NFYC: variants seen among roughly 807,000 people sequenced by gnomAD.
The protein encoded by NFYC is nuclear transcription factor Y subunit gamma.
Under a neutral mutation model 53.1 loss-of-function variants are expected in NFYC, and 25 were observed. That is an observed-to-expected ratio of 0.47 (90% CI 0.34 to 0.66). NFYC has a LOEUF of 0.66. Ranked by LOEUF, NFYC falls within the 30% of genes least tolerant of loss-of-function variation. NFYC has a pLI of 0.01. For missense variants in NFYC, 260 were observed against 422.7 expected (o/e 0.62, Z 3.38); for synonymous variants, 145 against 152.6 (o/e 0.95, Z 0.37).
intron 1 of NFYC, among the ~76,000 whole-genome samples, chr1:40,696,255 C>G (rs1643137902): frequency 6.6e-6 from 1 of 152,010 alleles, no homozygotes; most frequent in South Asian, 2.1e-4. Flanking sequence ...AAACTCCTGA[C>G]CTCGTGATCC....
At chr1:40,712,928 C>G (rs185620822) in intron 1 of NFYC, 3 of 152,106 alleles carry the variant, frequency 2.0e-5, no homozygotes, top group Admixed American at 1.3e-4. Context: ...TCTCAAACTC[C>G]TGGACTCAAG....
At chr1:40,752,060 T>TA (rs1435296721) in intron 4 of NFYC, among the ~76,000 whole-genome samples, 2 of 152,218 alleles carry the variant, frequency 1.3e-5, no homozygotes, top group African/African-American at 4.8e-5. Context: ...TAAGGTGTGG[T>TA]ATATAGAGTT....
intron 6 of NFYC, among the ~76,000 whole-genome samples, chr1:40,761,578 C>T (rs1019095102): frequency 6.6e-6 from 1 of 152,160 alleles, no homozygotes; most frequent in Non-Finnish European, 1.5e-5. Context: ...TTCTGTTAGC[C>T]TAGCCCACTG....
chr1:40,741,205 G>A (rs1399713565), intron 2 of NFYC, among the ~76,000 whole-genome samples: 1 of 151,984 alleles, frequency 6.6e-6, no homozygotes, highest in African/African-American at 2.4e-5. Flanking sequence ...CTTTACAGTG[G>A]TTAGAAAACG....
At chr1:40,716,278 C>T (rs930461856) in intron 1 of NFYC, among the ~76,000 whole-genome samples, 7 of 152,140 alleles carry the variant, frequency 4.6e-5, no homozygotes. Context: ...GAGACGTTCG[C>T]TTAGGAATGA....
At chr1:40,722,725 T>TA in intron 1 of NFYC, among the ~76,000 whole-genome samples, 1 of 152,322 alleles carries the variant, frequency 6.6e-6, no homozygotes, top group South Asian at 2.1e-4. Context: ...TCTAAGAAGT[T>TA]AAGAGATTTG....
At chr1:40,701,050 A>T (rs148407466) in intron 1 of NFYC, among the ~76,000 whole-genome samples, 1 of 152,320 alleles carries the variant, frequency 6.6e-6, no homozygotes, top group African/African-American at 2.4e-5. Flanking sequence ...GTTCCTTATC[A>T]TTGTCCTTAG....
At chr1:40,698,150 G>A (rs968495959) in intron 1 of NFYC, among the ~76,000 whole-genome samples, 1 of 152,154 alleles carries the variant, frequency 6.6e-6, no homozygotes, top group African/African-American at 2.4e-5. Context: ...ATCACCTGAA[G>A]TCAAGAGTTT....
chr1:40,763,893 C>G (rs911843455), intron 7 of NFYC, among the ~76,000 whole-genome samples: 1 of 152,216 alleles, frequency 6.6e-6, no homozygotes, highest in Non-Finnish European at 1.5e-5. Flanking sequence ...ATTTGATTAG[C>G]AGAGGATAAG....
At chr1:40,737,901 CTT>C (rs530348029) in intron 1 of NFYC, among the ~76,000 whole-genome samples, 67,039 of 121,822 alleles carry the variant, frequency 0.55, 17,822 homozygotes, top group Non-Finnish European at 0.59. Flanking sequence ...TGCTCTCTCT[CTT>C]TTTTTTTTTT....
At chr1:40,763,334 C>G (rs1225159725) in intron 7 of NFYC, 1 of 464,724 alleles carries the variant, frequency 2.2e-6, no homozygotes, top group Admixed American at 2.3e-5. Context: ...ATATATCACA[C>G]GCATGCATAA....
Position 40,770,525 on chromosome 1 carries a change from G to A in NFYC, c.889-184G>A, listed in dbSNP as rs1236215264. ...CCACCACACACCCCCCCTCACACCGGGCTGGTGCCTCCTGTGTCTGCTGCT... is the reference window on the plus strand; with the variant it reads ...CCACCACACACCCCCCCTCACACCGAGCTGGTGCCTCCTGTGTCTGCTGCT... On this transcript the variant is annotated intron_variant, in intron 9 of 9. Transcript: ENST00000447388. The surrounding 1 kb of genome is among the most constrained non-coding windows in gnomAD (Gnocchi z 5.3). 2.6e-6 allele frequency: 4 copies of A among 1,561,272 alleles called. No individual in the cohort carries two copies. The highest frequency in any genetic ancestry group is 1.4e-5 in the African/African-American group (1 of 73,296).
At chr1:40,761,337 AG>A (rs913108353) in intron 6 of NFYC, among the ~76,000 whole-genome samples, 1 of 152,182 alleles carries the variant, frequency 6.6e-6, no homozygotes, top group Non-Finnish European at 1.5e-5. Context: ...CTGCTGCTTC[AG>A]GGTGGCCTTG....
intron 1 of NFYC, among the ~76,000 whole-genome samples, chr1:40,727,792 A>G (rs1241864295): frequency 1.3e-5 from 2 of 151,982 alleles, no homozygotes; most frequent in East Asian, 1.9e-4. Flanking sequence ...CGGCCTCCCA[A>G]AGTGCTAGGA....
In NFYC at chr1:40,758,255, G is replaced by T; in HGVS notation, c.522G>T (p.Gln174His). The change falls in exon 6 of 10, where the codon CAG (glutamine) becomes CAT (histidine). Residue 174 changes from glutamine (Q) to histidine (H), a missense_variant. Transcript: ENST00000447388. ...CCACCAGCTCCACGACCACCATCCA[G>T]CCTGGGCAGATCATCATCGCACAGC... ...QQTTSSTTTI[Q>H]PGQIIIAQPQ... The T allele has an allele frequency of 6.2e-7, 1 of 1,613,666 alleles. No individual in the cohort carries two copies. Among genetic ancestry groups the T allele is most frequent in the Non-Finnish European group, 8.5e-7 (1 of 1,179,962 alleles).
At chr1:40,741,154 G>A in intron 2 of NFYC, among the ~76,000 whole-genome samples, 1 of 152,070 alleles carries the variant, frequency 6.6e-6, no homozygotes. Flanking sequence ...ATATCGTACA[G>A]TCCCCTACTT....
chr1:40,752,239 A>G (rs1305022792), intron 4 of NFYC, among the ~76,000 whole-genome samples: 2 of 152,214 alleles, frequency 1.3e-5, no homozygotes, highest in East Asian at 1.9e-4. Context: ...CCCTCTATCC[A>G]TCCTTCAAGT....
intron 1 of NFYC, among the ~76,000 whole-genome samples, chr1:40,728,490 G>A (rs1248585954): frequency 6.6e-6 from 1 of 151,704 alleles, no homozygotes; most frequent in South Asian, 2.1e-4. Context: ...CCAGCTACTC[G>A]GGAGGCTGGG....
chr1:40,725,741 A>C (rs1398368100), intron 1 of NFYC, among the ~76,000 whole-genome samples: 1 of 152,232 alleles, frequency 6.6e-6, no homozygotes, highest in Non-Finnish European at 1.5e-5. Flanking sequence ...AACTAACCTC[A>C]GTAAATACCT....
Sources: gnomAD v4.1 joint callset for allele counts (sites outside exome capture counted in the v4.1 genomes callset) on GRCh38, gnomAD v4.1.1 for gene constraint, Gnocchi (gnomAD v3.1) non-coding constraint, MANE v1.5 for transcripts, NCBI Gene and HGNC (gene_info 2026-07-23, HGNC 2026-07-21) for gene names.